The following TPRG1 variants were observed in gnomAD, a reference collection of about 807,000 sequenced individuals.
TPRG1 encodes tumor protein p63 regulated 1.
TPRG1 carries 29 observed loss-of-function variants against 29.3 expected under a neutral mutation model. The ratio of observed to expected loss-of-function variants is 0.99; its 90% confidence interval spans 0.74 to 1.35. The LOEUF is 1.35. Among genes scored for constraint, TPRG1 ranks in the 40% most tolerant of loss-of-function variants. The pLI is 0.00. For synonymous variants in TPRG1, 130 were observed against 116.8 expected (o/e 1.11, Z -0.73); for missense variants, 327 against 335.0 (o/e 0.98, Z 0.19).
intron 5 of TPRG1, among the ~76,000 whole-genome samples, chr3:189,152,461 G>A (rs1726060087): frequency 6.6e-6 from 1 of 152,210 alleles, no homozygotes; most frequent in Non-Finnish European, 1.5e-5. Context: ...ATAAAGGGAT[G>A]TGTGATGGTG....
intron 4 of TPRG1, among the ~76,000 whole-genome samples, chr3:189,034,747 C>A (rs1714149229): frequency 6.6e-6 from 1 of 152,026 alleles, no homozygotes; most frequent in South Asian, 2.1e-4. Context: ...GGTGAAAGCT[C>A]TTTACACCAA....
At chr3:189,281,009 G>T (rs1717039918) in intron 4 of TPRG1, among the ~76,000 whole-genome samples, 1 of 152,160 alleles carries the variant, frequency 6.6e-6, no homozygotes, top group Non-Finnish European at 1.5e-5. Context: ...ATGTCAGTTA[G>T]TGTCTTAGCC....
chr3:189,118,750 C>T (rs749763868), intron 1 of TPRG1, among the ~76,000 whole-genome samples: 1 of 152,202 alleles, frequency 6.6e-6, no homozygotes, highest in Non-Finnish European at 1.5e-5. Flanking sequence ...CCTGTGGGTA[C>T]ACAGAAGTCA....
intron 3 of TPRG1, among the ~76,000 whole-genome samples, chr3:189,143,202 A>T (rs1331436467): frequency 1.3e-5 from 2 of 152,164 alleles, no homozygotes; most frequent in African/African-American, 4.8e-5. Flanking sequence ...AAGGTTTTAC[A>T]TCCATCAGAT....
intron 3 of TPRG1, among the ~76,000 whole-genome samples, chr3:189,021,622 C>A (rs1250902685): frequency 3.3e-5 from 5 of 152,140 alleles, no homozygotes; most frequent in Non-Finnish European, 5.9e-5. Context: ...GATGGGCTTC[C>A]CTTTGAGGGT....
At chr3:189,222,338 G>T (rs534534014) in intron 3 of TPRG1, among the ~76,000 whole-genome samples, 24 of 152,106 alleles carry the variant, frequency 1.6e-4, no homozygotes, top group African/African-American at 3.4e-4. Context: ...AAGGAAAAAG[G>T]TTAAAAAAAA....
At chr3:189,176,882 A>C (rs935415430) in intron 1 of TPRG1, among the ~76,000 whole-genome samples, 3 of 152,224 alleles carry the variant, frequency 2.0e-5, no homozygotes, top group Non-Finnish European at 4.4e-5. Context: ...CCTGTAAGAC[A>C]CAATAAGGGC....
rs188690683 is a variant in TPRG1 at position 189,283,515 on chromosome 3, G to A, written c.480-26871G>A. Among the ~76,000 whole-genome samples, 224 of 152,288 alleles carry A rather than the reference G, an allele frequency of 1.5e-3. 2 individuals are homozygous for A. Among genetic ancestry groups the A allele is most frequent in the Admixed American group, 0.013 (200 of 15,304 alleles). On this transcript the variant is annotated intron_variant, in intron 4 of 5. Transcript: ENST00000345063. The stretch of plus-strand genomic sequence containing the variant: ...TCAGAGTGCTTTAATTTTAATAAAT[G>A]TGTTTTAAAAGAGAGTAACTGAATA...
At chr3:189,078,101 CTTTCTTTCTTTCTTTCTT>C (rs1717335036) in intron 4 of TPRG1, among the ~76,000 whole-genome samples, 6 of 124,452 alleles carry the variant, frequency 4.8e-5, no homozygotes, top group Admixed American at 4.2e-4. Context: ...CTCTTTCTTT[CTTTCTTTCTTTCTTTCTT>C]TCTTTCTTTC....
intron 1 of TPRG1, among the ~76,000 whole-genome samples, chr3:189,117,243 T>C (rs3846195): frequency 0.44 from 67,042 of 152,088 alleles, 20,199 homozygotes; most frequent in African/African-American, 0.85. Flanking sequence ...GGCATGTTAC[T>C]GAATTGGCCA....
At chr3:189,149,206 C>T (rs1246404027) in intron 4 of TPRG1, among the ~76,000 whole-genome samples, 2 of 152,040 alleles carry the variant, frequency 1.3e-5, no homozygotes, top group East Asian at 1.9e-4. Context: ...CTAACGGACA[C>T]GTGTAGGGAG....
chr3:189,057,869 TGTGTGTATATATATATAC>T (rs1309565078), intron 4 of TPRG1, among the ~76,000 whole-genome samples: 92 of 142,912 alleles, frequency 6.4e-4, no homozygotes, highest in East Asian at 3.4e-3. Context: ...CACATACGTA[TGTGTGTATATATATATAC>T]GTATACACAT....
At chr3:189,199,192 A>G (rs1560541153) in intron 1 of TPRG1, among the ~76,000 whole-genome samples, 2 of 152,286 alleles carry the variant, frequency 1.3e-5, no homozygotes, top group African/African-American at 2.4e-5. Flanking sequence ...TAGGCACCCA[A>G]ATTCATGACC....
intron 3 of TPRG1, among the ~76,000 whole-genome samples, chr3:189,220,061 A>G (rs562662948): frequency 3.3e-5 from 5 of 152,312 alleles, no homozygotes; most frequent in African/African-American, 7.2e-5. Context: ...ACTACTTACT[A>G]TCAGTAAAGC....
chr3:189,027,631 C>A (rs1713731946), intron 4 of TPRG1, among the ~76,000 whole-genome samples: 1 of 152,012 alleles, frequency 6.6e-6, no homozygotes, highest in Admixed American at 6.6e-5. Flanking sequence ...TTTATGTATC[C>A]AATGCTGTAT....
intron 3 of TPRG1, among the ~76,000 whole-genome samples, chr3:189,146,235 T>C (rs1297965899): frequency 6.6e-6 from 1 of 152,134 alleles, no homozygotes; most frequent in African/African-American, 2.4e-5. Context: ...TGACTAAAGA[T>C]CAGTTTCATG....
intron 4 of TPRG1, among the ~76,000 whole-genome samples, chr3:189,149,111 A>G (rs573466170): frequency 2.6e-5 from 4 of 152,292 alleles, no homozygotes; most frequent in Admixed American, 2.0e-4. Context: ...TCAAGATTCC[A>G]TTTATGGTAA....
chr3:189,272,740 CTTCCTTCCTTCG>C (rs1372463187), intron 4 of TPRG1, among the ~76,000 whole-genome samples: 3 of 139,976 alleles, frequency 2.1e-5, no homozygotes, highest in Non-Finnish European at 4.5e-5. Context: ...TCCTTCCTTC[CTTCCTTCCTTCG>C]TTCCTTCCTT....
intron 1 of TPRG1, among the ~76,000 whole-genome samples, chr3:189,115,041 G>C (rs549195691): frequency 6.6e-5 from 10 of 152,192 alleles, no homozygotes; most frequent in Non-Finnish European, 1.5e-4. Flanking sequence ...TTCACCCCCT[G>C]TTGAAGAGAC....
Sources: gnomAD v4.1 joint callset for allele counts (sites outside exome capture counted in the v4.1 genomes callset) on GRCh38, gnomAD v4.1.1 for gene constraint, MANE v1.5 for transcripts, NCBI Gene and HGNC (gene_info 2026-07-23, HGNC 2026-07-21) for gene names.